HNF4G: variants seen among roughly 807,000 people sequenced by gnomAD.
HNF4G encodes the protein hepatocyte nuclear factor 4 gamma, also known as hepatocyte nuclear factor 4-gamma.
Under a neutral mutation model 50.9 loss-of-function variants are expected in HNF4G, and 21 were observed. The ratio of observed to expected loss-of-function variants is 0.41; its 90% CI spans 0.29 to 0.59. HNF4G has a LOEUF of 0.59. Among genes scored for constraint, HNF4G ranks in the 20% least tolerant of loss-of-function variants. The pLI is 0.26. For synonymous variants in HNF4G, 198 were observed against 185.6 expected, an observed-to-expected ratio of 1.07 and a Z score of -0.54; for missense variants, 527 against 559.4, an observed-to-expected ratio of 0.94 and a Z score of 0.58.
At chr8:75,541,765 A>G (rs1806628904) in intron 1 of HNF4G, among the ~76,000 whole-genome samples, 1 of 152,044 alleles carries the variant, frequency 6.6e-6, no homozygotes, top group Non-Finnish European at 1.5e-5. Flanking sequence ...CATTTAAGAA[A>G]TATTCATTTT....
intron 1 of HNF4G, among the ~76,000 whole-genome samples, chr8:75,408,587 G>T (rs1283193710): frequency 3.3e-5 from 5 of 152,186 alleles, no homozygotes; most frequent in Non-Finnish European, 7.3e-5. Flanking sequence ...GTTAACTTTG[G>T]GATGAAATGT....
intron 1 of HNF4G, among the ~76,000 whole-genome samples, chr8:75,432,516 G>A (rs984137296): frequency 2.0e-5 from 3 of 152,072 alleles, no homozygotes; most frequent in African/African-American, 7.2e-5. Flanking sequence ...GGCCAGGCTG[G>A]TCTCAAACTG....
intron 2 of HNF4G, among the ~76,000 whole-genome samples, chr8:75,496,617 T>A (rs543737975): frequency 6.6e-6 from 1 of 152,132 alleles, no homozygotes; most frequent in African/African-American, 2.4e-5. Flanking sequence ...CCACTTAATT[T>A]ATTAAAAAAA....
chr8:75,514,575 A>T (rs1267922487), intron 2 of HNF4G, among the ~76,000 whole-genome samples: 2 of 150,094 alleles, frequency 1.3e-5, no homozygotes, highest in Admixed American at 1.3e-4. Flanking sequence ...CTGGTCTCGA[A>T]CTCCTGACCT....
chr8:75,479,749 C>G (rs912894886), intron 1 of HNF4G, among the ~76,000 whole-genome samples: 2 of 151,444 alleles, frequency 1.3e-5, no homozygotes, highest in African/African-American at 4.8e-5. Flanking sequence ...GAAGATTTTA[C>G]AAGCTGAAAA....
At chr8:75,409,480 C>CTTTTTTTTTTTT (rs5892492) in intron 1 of HNF4G, among the ~76,000 whole-genome samples, 2 of 67,346 alleles carry the variant, frequency 3.0e-5, no homozygotes, top group African/African-American at 6.0e-5. Context: ...GTGCCTTGTT[C>CTTTTTTTTTTTT]TTTTTTTTTT....
chr8:75,474,935 A>G (rs943304839), intron 1 of HNF4G, among the ~76,000 whole-genome samples: 14 of 151,998 alleles, frequency 9.2e-5, no homozygotes, highest in African/African-American at 3.1e-4. Flanking sequence ...TGACCTCATG[A>G]TCTGCCTGCC....
chr8:75,542,695 G>A (rs139089131), intron 1 of HNF4G, among the ~76,000 whole-genome samples: 1 of 152,180 alleles, frequency 6.6e-6, no homozygotes, highest in Non-Finnish European at 1.5e-5. Flanking sequence ...TTCTGTATCT[G>A]GTTACGACAG....
At chr8:75,412,744 T>G (rs1460249) in intron 1 of HNF4G, among the ~76,000 whole-genome samples, 73,917 of 151,516 alleles carry the variant, frequency 0.49, 18,295 homozygotes, top group Middle Eastern at 0.57. Flanking sequence ...TTTTCTTATT[T>G]CAGACATCAT....
At chr8:75,410,678 G>A (rs1302191834) in intron 1 of HNF4G, among the ~76,000 whole-genome samples, 2 of 152,156 alleles carry the variant, frequency 1.3e-5, no homozygotes, top group Non-Finnish European at 2.9e-5. Flanking sequence ...CCAAAGAGAA[G>A]ATTCACACCC....
chr8:75,529,664 C>T lies in HNF4G; in HGVS notation c.-23-14147C>T, dbSNP rs183946963. On this transcript the variant is annotated intron_variant, in intron 2 of 10. Transcript: ENST00000354370. ...TTAATTACATAACTACCAAATGAAC[C>T]AAAAAGAAACAGAAAAGGGTTCTGT... Among the ~76,000 whole-genome samples, 538 of 151,780 alleles carry T rather than the reference C, an allele frequency of 3.5e-3. 4 individuals carry two copies. Among genetic ancestry groups the T allele is most frequent in the African/African-American group, 0.012 (506 of 41,388 alleles).
intron 1 of HNF4G, among the ~76,000 whole-genome samples, chr8:75,425,896 G>T (rs1450690189): frequency 6.6e-6 from 1 of 151,932 alleles, no homozygotes; most frequent in Non-Finnish European, 1.5e-5. Context: ...CCTTTCTGAC[G>T]GGTATATTTC....
chr8:75,421,456 T>C (rs900636178), intron 1 of HNF4G, among the ~76,000 whole-genome samples: 1 of 152,244 alleles, frequency 6.6e-6, no homozygotes, highest in African/African-American at 2.4e-5. Context: ...TCAATGACTT[T>C]TAAATAGATG....
chr8:75,457,030 C>A (rs981849402), intron 1 of HNF4G, among the ~76,000 whole-genome samples: 1 of 152,170 alleles, frequency 6.6e-6, no homozygotes, highest in African/African-American at 2.4e-5. Flanking sequence ...GGTGTGAGCA[C>A]CTGGCCTAAG....
At chr8:75,503,770 C>G (rs1012891030) in intron 2 of HNF4G, among the ~76,000 whole-genome samples, 2 of 152,096 alleles carry the variant, frequency 1.3e-5, no homozygotes, top group Admixed American at 6.5e-5. Context: ...GCTAATAACT[C>G]TGGGTATGCC....
chr8:75,499,212 A>G (rs190355394), intron 2 of HNF4G, among the ~76,000 whole-genome samples: 1 of 152,236 alleles, frequency 6.6e-6, no homozygotes, highest in Admixed American at 6.5e-5. Flanking sequence ...ATATACAAAA[A>G]TTAGTTTAAT....
Position 75,481,075 on chromosome 8 carries a change from G to A in HNF4G, c.-143-9014G>A, listed in dbSNP as rs143001143. On this transcript the variant is annotated intron_variant, in intron 1 of 10. Coordinates refer to the HNF4G transcript ENST00000354370. ...ATCACTGGTTTTCAAACGGTGCTCT[G>A]CAGAGTCCTACAGATTAGAAATGCT... Among the ~76,000 whole-genome samples the A allele has an allele frequency of 5.2e-3, 798 of 152,214 alleles. 4 individuals carry two copies. The highest frequency in any genetic ancestry group is 0.014 in the Middle Eastern group (4 of 292).
intron 1 of HNF4G, among the ~76,000 whole-genome samples, chr8:75,472,986 T>C (rs1812151321): frequency 6.6e-6 from 1 of 152,126 alleles, no homozygotes; most frequent in East Asian, 1.9e-4. Flanking sequence ...TGTTGGGCAA[T>C]GAAATATGTT....
At chr8:75,441,626 G>A (rs1023084521) in intron 1 of HNF4G, among the ~76,000 whole-genome samples, 2 of 151,996 alleles carry the variant, frequency 1.3e-5, no homozygotes, top group African/African-American at 4.8e-5. Context: ...ACTGTTTTTT[G>A]TCATACCGTG....
Sources: allele counts gnomAD v4.1 joint callset (sites outside exome capture counted in the v4.1 genomes callset), GRCh38; gene constraint gnomAD v4.1.1; transcripts MANE v1.5; gene names NCBI Gene and HGNC (gene_info 2026-07-23, HGNC 2026-07-21).